RBM41: variants seen among roughly 807,000 people sequenced by gnomAD.
The protein encoded by RBM41 is RNA-binding protein 41.
RBM41 carries 14 observed loss-of-function variants against 30.8 expected under a neutral mutation model. The observed-to-expected ratio is 0.45, with a 90% CI of 0.30 to 0.71. The LOEUF (loss-of-function observed/expected upper bound fraction) is 0.71. Ranked by LOEUF, RBM41 falls within the 30% of genes least tolerant of loss-of-function variation. The pLI, the probability that RBM41 is intolerant of heterozygous loss-of-function variation, is 0.08. For missense variants in RBM41, 276 were observed against 326.3 expected (o/e 0.85, Z 1.19); for synonymous variants, 120 against 110.1 (o/e 1.09, Z -0.56).
chrX:107,075,989 C>T (rs1152335), intron 6 of RBM41, among the ~76,000 whole-genome samples: 40,579 of 110,401 alleles, frequency 0.37, 8,091 homozygotes, highest in African/African-American at 0.77. Flanking sequence ...TAAGTGTCCA[C>T]TGACTGATGA....
chrX:107,090,626 G>C (rs1368957477), intron 5 of RBM41, among the ~76,000 whole-genome samples: 1 of 110,178 alleles, frequency 9.1e-6, no homozygotes, highest in East Asian at 2.9e-4. Flanking sequence ...ATTTTTGTAG[G>C]GACCCTTGGT....
Position 107,062,149 on chromosome X carries a change from G to A in RBM41, c.*5378C>T, listed in dbSNP as rs901360758. 3.6e-5 allele frequency among the ~76,000 whole-genome samples: 4 copies of A among 111,922 alleles called. No homozygotes were observed. Among genetic ancestry groups the A allele is most frequent in the African/African-American group, 1.3e-4 (4 of 30,791 alleles). On this transcript the variant is annotated 3_prime_UTR_variant, in exon 8 of 8. Transcript: ENST00000685964. ...TGCTTTTTGAGAAAATAATATGAATGGAATCAAACAGTAAGCAGCCTTTTG... is the reference window on the plus strand; with the variant it reads ...TGCTTTTTGAGAAAATAATATGAATAGAATCAAACAGTAAGCAGCCTTTTG...
chrX:107,078,246 C>A (rs1044613715), intron 6 of RBM41, among the ~76,000 whole-genome samples: 5 of 111,484 alleles, frequency 4.5e-5, no homozygotes, highest in African/African-American at 1.6e-4. Context: ...AAAAGTTACT[C>A]TTTTTTCCTG....
At chrX:107,091,671 T>C (rs1454617734) in intron 5 of RBM41, among the ~76,000 whole-genome samples, 1 of 112,124 alleles carries the variant, frequency 8.9e-6, no homozygotes, top group African/African-American at 3.2e-5. Flanking sequence ...TATGGTTCCA[T>C]TGTTTCTTTT....
At chrX:107,080,000 C>T (rs1008151621) in intron 6 of RBM41, among the ~76,000 whole-genome samples, 2 of 111,563 alleles carry the variant, frequency 1.8e-5, no homozygotes, top group African/African-American at 6.5e-5. Context: ...ATAGATCTGC[C>T]ACAGGTGAAT....
At position 107,115,503 on chromosome X, in the gene RBM41, A is replaced by G. The variant is rs1359424444; in HGVS notation, c.372T>C (p.Ile124=). The stretch of plus-strand genomic sequence containing the variant: ...GCTGACGCTCCGAGATCCTTTCTTC[A>G]ATATCTTGAAGACGGTTCTGTATTG... ...PEAIQNRLQD[I]EERISERQRI... The change falls in exon 4 of 8, where the codon ATT becomes ATC. Residue 124 remains isoleucine (I), a synonymous_variant. Coordinates refer to ENST00000685964, the MANE Select transcript of RBM41 (RefSeq NM_001324242.2). 1.7e-6 allele frequency: 2 copies of G among 1,211,533 alleles called. No homozygotes were observed. The highest frequency in any genetic ancestry group is 3.0e-5 in the East Asian group (1 of 33,822).
intron 5 of RBM41, among the ~76,000 whole-genome samples, chrX:107,097,060 AG>A (rs746765676): frequency 8.9e-6 from 1 of 112,385 alleles, no homozygotes; most frequent in Non-Finnish European, 1.9e-5. Context: ...AATAAAAGAC[AG>A]GTAATAACAA....
At chrX:107,116,275 C>T in intron 2 of RBM41, 2 of 932,357 alleles carry the variant, frequency 2.1e-6, no homozygotes, top group Non-Finnish European at 2.7e-6. Context: ...TGAGTACTTA[C>T]TATGCATCAG....
chrX:107,058,209 C>T (rs2147847839), downstream of RBM41, among the ~76,000 whole-genome samples: 1 of 104,801 alleles, frequency 9.5e-6, no homozygotes, highest in South Asian at 4.4e-4. Context: ...AGGAGAATCA[C>T]TTGAACCTGG....
At chrX:107,072,271 C>A (rs950778221) in intron 6 of RBM41, among the ~76,000 whole-genome samples, 7 of 110,514 alleles carry the variant, frequency 6.3e-5, no homozygotes, top group African/African-American at 1.6e-4. Context: ...ACCAAAAAGC[C>A]CTTAGAACAG....
intron 6 of RBM41, among the ~76,000 whole-genome samples, chrX:107,085,633 T>C (rs931585111): frequency 8.9e-6 from 1 of 111,940 alleles, no homozygotes. Flanking sequence ...TAAATGTATA[T>C]ATCATAGTAT....
intron 4 of RBM41, 56 bp from the exon 5 acceptor site, chrX:107,113,524 A>G: frequency 1.0e-6 from 1 of 978,016 alleles, no homozygotes; most frequent in Non-Finnish European, 1.3e-6. Flanking sequence ...AGATTCATAA[A>G]CCACCCACCC....
chrX:107,060,692 C>T (rs1204005387), downstream of RBM41, among the ~76,000 whole-genome samples: 2 of 111,174 alleles, frequency 1.8e-5, no homozygotes, highest in Non-Finnish European at 3.8e-5. Context: ...TAGGTAAACA[C>T]TACCGTAATA....
downstream of RBM41, among the ~76,000 whole-genome samples, chrX:107,059,529 T>A (rs1276853132): frequency 8.9e-6 from 1 of 111,741 alleles, no homozygotes; most frequent in Non-Finnish European, 1.9e-5. Context: ...AAACAAACAA[T>A]GAGGAAGTTC....
At chrX:107,117,206 T>C (rs960603973) in intron 1 of RBM41, among the ~76,000 whole-genome samples, 1 of 111,869 alleles carries the variant, frequency 8.9e-6, no homozygotes, top group Non-Finnish European at 1.9e-5. Flanking sequence ...CAAAGGTGTG[T>C]GATGCAGAAA....
At chrX:107,111,347 T>C (rs772899771) in intron 5 of RBM41, among the ~76,000 whole-genome samples, 4 of 110,998 alleles carry the variant, frequency 3.6e-5, no homozygotes, top group Non-Finnish European at 7.6e-5. Flanking sequence ...AAGATAACAT[T>C]TCATACCCAT....
At chrX:107,080,794 G>A in intron 6 of RBM41, among the ~76,000 whole-genome samples, 1 of 111,258 alleles carries the variant, frequency 9.0e-6, no homozygotes, top group East Asian at 2.8e-4. Context: ...GCTTCTTTTC[G>A]TATGCTTATT....
At chrX:107,106,188 CG>C (rs1457717282) in intron 5 of RBM41, among the ~76,000 whole-genome samples, 1 of 111,418 alleles carries the variant, frequency 9.0e-6, no homozygotes, top group Non-Finnish European at 1.9e-5. Context: ...AACAAACAAC[CG>C]CATCAAAAAG....
At chrX:107,113,185 A>C (rs750016662) in intron 5 of RBM41, among the ~76,000 whole-genome samples, 1 of 111,778 alleles carries the variant, frequency 8.9e-6, no homozygotes, top group Non-Finnish European at 1.9e-5. Context: ...CAATAATTTA[A>C]ATGTATAGAG....
Sources: gnomAD v4.1 joint callset for allele counts (sites outside exome capture counted in the v4.1 genomes callset) on GRCh38, gnomAD v4.1.1 for gene constraint, MANE v1.5 for transcripts, NCBI Gene and HGNC (gene_info 2026-07-23, HGNC 2026-07-21) for gene names.